The following USP9X variants were observed in gnomAD, a reference collection of about 807,000 sequenced individuals.
The protein encoded by USP9X is ubiquitin carboxyl-terminal hydrolase 9X.
Under a neutral mutation model 190.3 loss-of-function variants are expected in USP9X, and 7 were observed. That is an observed-to-expected ratio of 0.04 (90% CI 0.02 to 0.07). The LOEUF (loss-of-function observed/expected upper bound fraction) is 0.07. Among genes scored for constraint, USP9X ranks in the 10% least tolerant of loss-of-function variants. The probability of loss-of-function intolerance (pLI) is 1.00; values close to 1 mark genes in which losing one functional copy is unlikely to be tolerated. For missense variants in USP9X, 1,010 were observed against 1,916.9 expected (o/e 0.53, Z 8.83); for synonymous variants, 645 against 659.5 (o/e 0.98, Z 0.34).
At chrX:41,218,934 G>A (rs767905679) in intron 37 of USP9X, among the ~76,000 whole-genome samples, 168 bp from the exon 38 acceptor site, 3 of 111,514 alleles carry the variant, frequency 2.7e-5, no homozygotes, top group Non-Finnish European at 5.7e-5. Context: ...AATGAAATCC[G>A]CCTCTGATCT....
intron 26 of USP9X, among the ~76,000 whole-genome samples, chrX:41,195,685 T>C (rs1052562978): frequency 9.0e-6 from 1 of 111,698 alleles, no homozygotes; most frequent in Non-Finnish European, 1.9e-5. Flanking sequence ...GCACATAAGC[T>C]AGAACCCTTG....
In USP9X at chrX:41,214,592, G is replaced by A. The variant is rs1340723149; in HGVS notation, c.5214G>A (p.Thr1738=). 7 of 1,172,871 alleles carry A rather than the reference G, an allele frequency of 6.0e-6. No individual in the cohort carries two copies. Among genetic ancestry groups the A allele is most frequent in the Non-Finnish European group, 7.9e-6 (7 of 881,216 alleles). ...PHRYECEESF[T]TLNVDIRNHQ... ...GGTACGAATGTGAAGAATCTTTTAC[G>A]ACCCTAAACGTAGACATTAGAAATC... Residue 1738 remains threonine, a synonymous_variant, in exon 34 of 45, where the codon ACG becomes ACA. Transcript: ENST00000378308.
rs185702043 is a variant in USP9X, at chrX:41,184,102, G to C, written c.3253G>C (p.Ala1085Pro). 1.7e-6 allele frequency: 2 copies of C among 1,206,930 alleles called. No homozygotes were observed. The highest frequency in any genetic ancestry group is 2.2e-6 in the Non-Finnish European group (2 of 893,959). Residue 1085 changes from alanine to proline, a missense_variant, in exon 22 of 45, where the codon GCC becomes CCC. This residue lies in a region of USP9X where 351 missense variants were observed against 480.8 expected (regional missense o/e 0.73). Coordinates refer to ENST00000378308, the MANE Select transcript of USP9X (RefSeq NM_001039591.3). The stretch of plus-strand genomic sequence containing the variant: ...TGACTCACTTTTCTTTGGTCCTTCA[G>C]CCTCACAAGTGCTATATCTAACAGA... ...SLDSLFFGPS[A>P]SQVLYLTEVV...
At chrX:41,131,770 G>A (rs2062320149) in intron 4 of USP9X, among the ~76,000 whole-genome samples, 1 of 111,425 alleles carries the variant, frequency 9.0e-6, no homozygotes, top group Non-Finnish European at 1.9e-5. Context: ...CGTCAGATTT[G>A]CAAAGAGGTT....
intron 3 of USP9X, 134 bp from the exon 4 acceptor site, chrX:41,131,323 C>T: frequency 4.4e-6 from 2 of 459,397 alleles, no homozygotes; most frequent in Non-Finnish European, 6.5e-6. Context: ...CCAACCTTGT[C>T]TTAATATTTT....
At position 41,183,976 on chromosome X, in the gene USP9X, ACT is replaced by A. The variant is rs749220151; in HGVS notation, c.3149-21_3149-20del. 5 of 1,192,271 alleles carry A rather than the reference ACT, an allele frequency of 4.2e-6. No homozygotes were observed. The African/African-American group carries it at 7.1e-5, about 17-fold the overall frequency. On this transcript the variant is annotated intron_variant, in intron 21 of 44. Transcript: ENST00000378308. The stretch of plus-strand genomic sequence containing the variant: ...ATGAACACATGAATTACATTTTCAC[ACT>A]GTCTCTTTTTTTCCTCCAGATAGCA...
intron 1 of USP9X, among the ~76,000 whole-genome samples, chrX:41,089,811 C>T (rs1015992465): frequency 1.9e-5 from 2 of 105,771 alleles, no homozygotes; most frequent in Non-Finnish European, 3.8e-5. Flanking sequence ...TTTGGAGTTT[C>T]TGTCTCTTAA....
chrX:41,161,874 C>A (rs1411433841), intron 14 of USP9X, among the ~76,000 whole-genome samples: 1 of 108,640 alleles, frequency 9.2e-6, no homozygotes, highest in Non-Finnish European at 1.9e-5. Context: ...CAGGCATGAG[C>A]TAAAACTTGA....
intron 2 of USP9X, among the ~76,000 whole-genome samples, chrX:41,127,646 GT>G (rs1356916172): frequency 1.8e-5 from 2 of 112,036 alleles, no homozygotes; most frequent in Non-Finnish European, 1.9e-5. Flanking sequence ...CACCTGCACA[GT>G]TTTACTGTGT....
intron 29 of USP9X, 61 bp downstream of exon 29, chrX:41,197,571 AATTT>A: frequency 2.1e-6 from 2 of 972,314 alleles, no homozygotes; most frequent in South Asian, 2.9e-5. Flanking sequence ...TTTATAATCA[AATTT>A]AATTAATTTA....
At chrX:41,124,484 A>G (rs1029514414) in intron 2 of USP9X, among the ~76,000 whole-genome samples, 7 of 111,927 alleles carry the variant, frequency 6.3e-5, no homozygotes, top group African/African-American at 2.3e-4. Flanking sequence ...GCATAGTAAC[A>G]AGAAAGCTCA....
Position 41,224,827 on chromosome X carries a change from A to G in USP9X, c.6837A>G (p.Leu2279=), listed in dbSNP as rs755476066. 10 of 1,211,406 alleles carry G rather than the reference A, an allele frequency of 8.3e-6. 1 individual carries two copies. The highest frequency in any genetic ancestry group is 8.9e-6 in the Non-Finnish European group (8 of 895,346). ...MPIQQNVADI[L]FVRTSYVKKI... ...TTCAGCAGAATGTGGCAGACATTTT[A>G]TTTGTGAGAACAAGTTATGTGAAGA... Residue 2279 remains leucine, a synonymous_variant, in exon 40 of 45, where the codon TTA becomes TTG. Coordinates refer to ENST00000378308, the MANE Select transcript of USP9X (RefSeq NM_001039591.3).
intron 13 of USP9X, among the ~76,000 whole-genome samples, chrX:41,152,230 A>G (rs948651644): frequency 4.5e-5 from 5 of 112,165 alleles, no homozygotes; most frequent in African/African-American, 1.6e-4. Context: ...CTCGTTAACA[A>G]TAATATTTGA....
At chrX:41,118,950 A>G (rs975787511) in intron 1 of USP9X, among the ~76,000 whole-genome samples, 2 of 111,219 alleles carry the variant, frequency 1.8e-5, no homozygotes, top group African/African-American at 6.5e-5. Context: ...AAGAAGGGAG[A>G]GGTGGTCAGT....
chrX:41,098,668 GTT>G (rs1457770439), intron 1 of USP9X, among the ~76,000 whole-genome samples: 1 of 108,265 alleles, frequency 9.2e-6, no homozygotes, highest in Non-Finnish European at 1.9e-5. Context: ...TGATTCTCTT[GTT>G]TCAGCCTCCC....
chrX:41,114,994 G>A (rs1950747169), intron 1 of USP9X, among the ~76,000 whole-genome samples: 1 of 108,837 alleles, frequency 9.2e-6, no homozygotes, highest in Admixed American at 9.9e-5. Context: ...AGGCCGAGGC[G>A]GGTGGATCAC....
At chrX:41,105,817 C>A (rs896114535) in intron 1 of USP9X, among the ~76,000 whole-genome samples, 2 of 112,117 alleles carry the variant, frequency 1.8e-5, no homozygotes, top group African/African-American at 6.5e-5. Context: ...CTTGTGTTTT[C>A]TGCCTTTTTG....
At chrX:41,120,411 G>A (rs1201493534) in intron 1 of USP9X, among the ~76,000 whole-genome samples, 1 of 112,059 alleles carries the variant, frequency 8.9e-6, no homozygotes, top group Non-Finnish European at 1.9e-5. Context: ...GTATTTATTA[G>A]TCACTTCTAT....
chrX:41,128,688 A>G (rs981238431), intron 2 of USP9X, among the ~76,000 whole-genome samples: 4 of 112,031 alleles, frequency 3.6e-5, no homozygotes, highest in African/African-American at 1.3e-4. Context: ...CTTTCTGTAT[A>G]TACTTCACAT....
Sources: gnomAD v4.1 joint callset for allele counts (sites outside exome capture counted in the v4.1 genomes callset) on GRCh38, gnomAD v4.1.1 for gene constraint, gnomAD v4.1.1 regional missense constraint, MANE v1.5 for transcripts, NCBI Gene and HGNC (gene_info 2026-07-23, HGNC 2026-07-21) for gene names.